Variants in FAF1 observed in about 807,000 individuals in gnomAD.
The protein encoded by FAF1 is FAS-associated factor 1.
A neutral mutation model predicts 92.5 loss-of-function variants in FAF1; 25 were observed. That is an observed-to-expected ratio of 0.27 (90% CI 0.20 to 0.38). The LOEUF is 0.38. Among genes scored for constraint, FAF1 ranks in the 10% least tolerant of loss-of-function variants. The pLI, the probability that FAF1 is intolerant of heterozygous loss-of-function variation, is 1.00. For missense variants in FAF1, 636 were observed against 793.3 expected (o/e 0.80, Z 2.38); for synonymous variants, 234 against 273.2 (o/e 0.86, Z 1.42).
chr1:50,470,092 T>C (rs1426107329), intron 18 of FAF1, among the ~76,000 whole-genome samples: 1 of 152,192 alleles, frequency 6.6e-6, no homozygotes, highest in African/African-American at 2.4e-5. Flanking sequence ...TAAAACTTAG[T>C]CTAATATAAA....
chr1:50,796,040 G>A (rs1256618450), intron 3 of FAF1, among the ~76,000 whole-genome samples: 2 of 151,256 alleles, frequency 1.3e-5, no homozygotes, highest in African/African-American at 4.9e-5. Flanking sequence ...TGCTTCACCA[G>A]GTAAAAAAAC....
intron 6 of FAF1, among the ~76,000 whole-genome samples, chr1:50,718,982 A>G (rs1658300781): frequency 6.6e-6 from 1 of 152,246 alleles, no homozygotes; most frequent in Non-Finnish European, 1.5e-5. Flanking sequence ...AAAATAAGAA[A>G]TCAATATGTA....
chr1:50,672,628 T>C (rs1439832591), intron 7 of FAF1, among the ~76,000 whole-genome samples: 2 of 152,108 alleles, frequency 1.3e-5, no homozygotes, highest in African/African-American at 2.4e-5. Flanking sequence ...AGTGACCCTA[T>C]TGGACAATAT....
chr1:50,718,522 C>T (rs1210332816), intron 6 of FAF1, among the ~76,000 whole-genome samples: 1 of 151,990 alleles, frequency 6.6e-6, no homozygotes. Flanking sequence ...CATTTCATTC[C>T]TGTTATGTGC....
At chr1:50,456,827 C>T (rs1243689929) in intron 18 of FAF1, among the ~76,000 whole-genome samples, 1 of 152,144 alleles carries the variant, frequency 6.6e-6, no homozygotes, top group African/African-American at 2.4e-5. Flanking sequence ...CAGGAAACTA[C>T]AAGGAAGGCA....
intron 6 of FAF1, among the ~76,000 whole-genome samples, chr1:50,730,359 G>C (rs1658865839): frequency 6.6e-6 from 1 of 151,504 alleles, no homozygotes; most frequent in Non-Finnish European, 1.5e-5. Flanking sequence ...GTAGTTTTAA[G>C]TCCCTTTTTT....
intron 4 of FAF1, among the ~76,000 whole-genome samples, chr1:50,778,795 G>A (rs1661053805): frequency 6.6e-6 from 1 of 151,812 alleles, no homozygotes; most frequent in South Asian, 2.1e-4. Flanking sequence ...ACTTCAGCCT[G>A]AGTGACAGAG....
chr1:50,604,411 A>G (rs1210249409), intron 8 of FAF1, among the ~76,000 whole-genome samples: 1 of 152,214 alleles, frequency 6.6e-6, no homozygotes, highest in African/African-American at 2.4e-5. Context: ...AAAGAAACTG[A>G]GGTATAGAGA....
chr1:50,936,084 T>C (rs1411480291), intron 1 of FAF1, among the ~76,000 whole-genome samples: 2 of 152,176 alleles, frequency 1.3e-5, no homozygotes, highest in African/African-American at 4.8e-5. Context: ...CCAACCATTA[T>C]CTTTTCCTTC....
chr1:50,697,708 C>T (rs1466583540), intron 7 of FAF1, among the ~76,000 whole-genome samples: 4 of 152,050 alleles, frequency 2.6e-5, no homozygotes, highest in Admixed American at 6.6e-5. Context: ...TGTCTGGTCA[C>T]GCAATGACCA....
At chr1:50,891,413 C>A (rs1041034086) in intron 1 of FAF1, among the ~76,000 whole-genome samples, 1 of 152,150 alleles carries the variant, frequency 6.6e-6, no homozygotes, top group African/African-American at 2.4e-5. Flanking sequence ...GAGCTTCATT[C>A]CTCTGCAGCA....
intron 2 of FAF1, among the ~76,000 whole-genome samples, chr1:50,818,562 A>G (rs983561654): frequency 2.0e-5 from 3 of 152,226 alleles, no homozygotes; most frequent in African/African-American, 7.2e-5. Flanking sequence ...ACATGCAACA[A>G]TATGGATAAA....
chr1:50,819,680 TATATATATATACATATATATATAC>T lies in FAF1; in HGVS notation c.115-18027_115-18004del, dbSNP rs1256681516. On this transcript the variant is annotated intron_variant, in intron 2 of 18. Coordinates refer to ENST00000396153, the MANE Select transcript of FAF1 (RefSeq NM_007051.3). ...CACACACACACACACTCTCTCTCTGTATATATATATACATATATATATACATATATATATACGTATATATATATA... is the reference window on the plus strand; with the variant it reads ...CACACACACACACACTCTCTCTCTGTATATATATATACGTATATATATATA... Among the ~76,000 whole-genome samples the T allele has an allele frequency of 5.8e-3, 680 of 116,682 alleles. 43 individuals are homozygous for T. Among genetic ancestry groups the T allele is most frequent in the East Asian group, 0.021 (89 of 4,250 alleles). The allele number at this position is 116,682 out of a possible 152,430, so 76.5% of individuals were successfully genotyped here.
At position 50,906,202 on chromosome 1, in the gene FAF1, T is replaced by C. The variant is rs188218745; in HGVS notation, c.46-48205A>G. ...TCAGATGGTTGTAGATGTGTGGTAT[T>C]ATTTCTGAGGGCTCTGTTGTATTCC... On this transcript the variant is annotated intron_variant, in intron 1 of 18. Coordinates refer to ENST00000396153, the MANE Select transcript of FAF1 (RefSeq NM_007051.3). 5.9e-5 allele frequency among the ~76,000 whole-genome samples: 9 copies of C among 152,322 alleles called. No individual in the cohort carries two copies. The East Asian group carries it at 1.7e-3, about 29-fold the overall frequency.
At chr1:50,835,617 A>G (rs1362265704) in intron 2 of FAF1, among the ~76,000 whole-genome samples, 1 of 151,366 alleles carries the variant, frequency 6.6e-6, no homozygotes, top group African/African-American at 2.4e-5. Context: ...TGTTAAGCCT[A>G]TTTCCAAATC....
In FAF1 at chr1:50,682,344, A is replaced by T. The variant is rs1281101700; in HGVS notation, c.657+23442T>A. ...GGGAGACCCTGTCTCTATTTTAAAA[A>T]ATAAAAAAATCAGCTGGTTGTGGTA... On this transcript the variant is annotated intron_variant, in intron 7 of 18. Coordinates refer to ENST00000396153, the MANE Select transcript of FAF1 (RefSeq NM_007051.3). 3.9e-5 allele frequency among the ~76,000 whole-genome samples: 6 copies of T among 152,012 alleles called. No individual in the cohort carries two copies. The South Asian group carries it at 1.2e-3, about 32-fold the overall frequency.
chr1:50,449,336 C>T (rs1646266647), intron 18 of FAF1, among the ~76,000 whole-genome samples: 1 of 152,060 alleles, frequency 6.6e-6, no homozygotes, highest in African/African-American at 2.4e-5. Context: ...AACGCAGGTC[C>T]TCTCCTTTCA....
chr1:50,477,143 A>G (rs1367124831), intron 17 of FAF1, among the ~76,000 whole-genome samples: 1 of 152,198 alleles, frequency 6.6e-6, no homozygotes, highest in Non-Finnish European at 1.5e-5. Context: ...CTAATACTGA[A>G]CTATTTTTTT....
At chr1:50,612,296 C>T (rs1429064885) in intron 8 of FAF1, 13 of 1,086,712 alleles carry the variant, frequency 1.2e-5, no homozygotes, top group South Asian at 1.5e-5. Flanking sequence ...AGAATCAAGA[C>T]GAAATCTTCA....
Sources: allele counts gnomAD v4.1 joint callset (sites outside exome capture counted in the v4.1 genomes callset), GRCh38; gene constraint gnomAD v4.1.1; transcripts MANE v1.5; gene names NCBI Gene and HGNC (gene_info 2026-07-23, HGNC 2026-07-21).